CD226: variants seen among roughly 807,000 people sequenced by gnomAD.
CD226 encodes CD226 molecule.
CD226 carries 24 observed loss-of-function variants against 34.9 expected under a neutral mutation model. That is an observed-to-expected ratio of 0.69 (90% confidence interval 0.50 to 0.97). CD226 has a LOEUF of 0.97. Ranked by LOEUF, CD226 falls within the 50% of genes least tolerant of loss-of-function variation. The pLI, the probability that CD226 is intolerant of heterozygous loss-of-function variation, is 0.00. For missense variants in CD226, 397 were observed against 412.7 expected (o/e 0.96, Z 0.33); for synonymous variants, 148 against 147.4 (o/e 1.00, Z -0.03).
intron 2 of CD226, among the ~76,000 whole-genome samples, chr18:69,946,348 T>A (rs530100644): frequency 6.6e-6 from 1 of 152,130 alleles, no homozygotes; most frequent in South Asian, 2.1e-4. Context: ...ACACAGGGGT[T>A]GATGTGGGTG....
At chr18:69,909,092 G>A (rs1184102505) in intron 2 of CD226, among the ~76,000 whole-genome samples, 1 of 152,088 alleles carries the variant, frequency 6.6e-6, no homozygotes, top group Non-Finnish European at 1.5e-5. Flanking sequence ...CTATTGTGTT[G>A]TTTTTTATTT....
At chr18:69,931,889 G>A (rs1040618714) in intron 2 of CD226, among the ~76,000 whole-genome samples, 3 of 152,104 alleles carry the variant, frequency 2.0e-5, no homozygotes, top group Non-Finnish European at 4.4e-5. Flanking sequence ...CAGACTGGAT[G>A]GCTTAAACAA....
intron 3 of CD226, among the ~76,000 whole-genome samples, chr18:69,878,967 T>C (rs1984046121): frequency 6.6e-6 from 1 of 152,098 alleles, no homozygotes; most frequent in Non-Finnish European, 1.5e-5. Flanking sequence ...TAAAGCTGGG[T>C]GTCTAGGGGA....
intron 1 of CD226, among the ~76,000 whole-genome samples, chr18:69,955,666 A>G (rs1163900777): frequency 6.6e-6 from 1 of 152,106 alleles, no homozygotes; most frequent in Non-Finnish European, 1.5e-5. Context: ...GATCGAGACC[A>G]TCGTGGCTAA....
At chr18:69,952,565 A>T (rs1341232758), upstream of CD226, among the ~76,000 whole-genome samples, 1 of 152,234 alleles carries the variant, frequency 6.6e-6, no homozygotes, top group African/African-American at 2.4e-5. Flanking sequence ...AAAAGCATGA[A>T]ATTGGATCCC....
At chr18:69,896,512 TTTTTTTG>T (rs1020503892) in intron 2 of CD226, among the ~76,000 whole-genome samples, 17 of 152,252 alleles carry the variant, frequency 1.1e-4, no homozygotes, top group East Asian at 3.9e-4. Context: ...GAGAAAGGGT[TTTTTTTG>T]TTTTTTGTTT....
At chr18:69,958,287 A>G (rs1286323251), upstream of CD226, among the ~76,000 whole-genome samples, 1 of 152,186 alleles carries the variant, frequency 6.6e-6, no homozygotes, top group Non-Finnish European at 1.5e-5. Context: ...TGACCATGCC[A>G]GGTGCTCAGT....
chr18:69,889,972 T>G (rs1369656964), intron 3 of CD226, among the ~76,000 whole-genome samples: 2 of 152,152 alleles, frequency 1.3e-5, no homozygotes, highest in African/African-American at 4.8e-5. Flanking sequence ...AAAAAGTAAA[T>G]AGCCCTATCT....
intron 2 of CD226, among the ~76,000 whole-genome samples, chr18:69,933,038 G>GA (rs1445255603): frequency 6.6e-6 from 1 of 152,184 alleles, no homozygotes; most frequent in African/African-American, 2.4e-5. Flanking sequence ...GTGTAATTTG[G>GA]AAAGACTGCT....
At chr18:69,903,674 C>T (rs544777781) in intron 2 of CD226, among the ~76,000 whole-genome samples, 8 of 152,066 alleles carry the variant, frequency 5.3e-5, no homozygotes, top group Admixed American at 1.3e-4. Context: ...ACAAGCAGAA[C>T]GCCATGTGAA....
chr18:69,956,191 T>C (rs1011686016), intron 1 of CD226, among the ~76,000 whole-genome samples: 1 of 152,226 alleles, frequency 6.6e-6, no homozygotes, highest in Non-Finnish European at 1.5e-5. Flanking sequence ...GAGACAGCCA[T>C]GCTCACTTGG....
upstream of CD226, among the ~76,000 whole-genome samples, chr18:69,958,582 C>T (rs959388757): frequency 6.6e-6 from 1 of 152,124 alleles, no homozygotes; most frequent in Admixed American, 6.6e-5. Context: ...TCGGCTGAAA[C>T]AGTCACCGTC....
In CD226 at chr18:69,896,045, T is replaced by C; in HGVS notation, c.383A>G (p.Asp128Gly). The C allele has an allele frequency of 6.2e-7, 1 of 1,602,458 alleles. No homozygotes were observed. Among genetic ancestry groups the C allele is most frequent in the African/African-American group, 1.3e-5 (1 of 74,904 alleles). ...WQKVIQVVQS[D>G]SFEAAVPSNS... The stretch of plus-strand genomic sequence containing the variant: ...TGATGGCACAGCTGCCTCAAAACTA[T>C]CTGAAAAGAAGAAGCAAATGATTAG... The change falls in exon 3 of 6, where the codon GAT (aspartate) becomes GGT (glycine). Residue 128 changes from aspartate to glycine, a missense_variant and splice_region_variant. Transcript: ENST00000582621.
chr18:69,869,676 A>C (rs1983379514), intron 4 of CD226, among the ~76,000 whole-genome samples: 1 of 152,240 alleles, frequency 6.6e-6, no homozygotes, highest in Non-Finnish European at 1.5e-5. Context: ...AATGTTAAGA[A>C]AATAAAAATG....
intron 5 of CD226, among the ~76,000 whole-genome samples, chr18:69,866,024 A>G (rs1568154144): frequency 1.3e-5 from 2 of 152,304 alleles, no homozygotes; most frequent in South Asian, 2.1e-4. Context: ...TTGAGAAAAA[A>G]AAAAGAGTCC....
chr18:69,913,200 A>G (rs1390200755), intron 2 of CD226, among the ~76,000 whole-genome samples: 3 of 152,180 alleles, frequency 2.0e-5, no homozygotes, highest in Non-Finnish European at 4.4e-5. Flanking sequence ...ACCTTTCCCA[A>G]TAGCAGTGGA....
chr18:69,920,936 C>G (rs1241087440), intron 2 of CD226, among the ~76,000 whole-genome samples: 1 of 152,182 alleles, frequency 6.6e-6, no homozygotes, highest in Non-Finnish European at 1.5e-5. Flanking sequence ...ATCCTTTATA[C>G]AAAAAAGTCA....
rs145776849 is a variant in CD226, at chr18:69,926,495, T to C, written c.382+20239A>G. Among the ~76,000 whole-genome samples, 728 of 152,300 alleles carry C rather than the reference T, an allele frequency of 4.8e-3. 4 individuals carry two copies. Among genetic ancestry groups the C allele is most frequent in the Middle Eastern group, 0.014 (4 of 294 alleles). On this transcript the variant is annotated intron_variant, in intron 2 of 5. Coordinates refer to ENST00000582621, the MANE Select transcript of CD226 (RefSeq NM_001303618.2). ...TTCATACCATCATGTAATGTCTACT[T>C]ACATATGATAGGGAGGAGGGCAGGA...
chr18:69,913,469 C>G (rs945516494), intron 2 of CD226, among the ~76,000 whole-genome samples: 9 of 152,094 alleles, frequency 5.9e-5, no homozygotes, highest in Admixed American at 5.9e-4. Flanking sequence ...ATTTTCTAAA[C>G]ATGTGCTTTT....
Sources: gnomAD v4.1 joint callset for allele counts (sites outside exome capture counted in the v4.1 genomes callset) on GRCh38, gnomAD v4.1.1 for gene constraint, MANE v1.5 for transcripts, NCBI Gene and HGNC (gene_info 2026-07-23, HGNC 2026-07-21) for gene names.